The following SUGCT variants were observed in gnomAD, a reference collection of about 807,000 sequenced individuals.
SUGCT encodes the protein succinyl-CoA:glutarate CoA-transferase.
A neutral mutation model predicts 55.0 loss-of-function variants in SUGCT; 41 were observed. The ratio of observed to expected loss-of-function variants is 0.74; its 90% CI spans 0.58 to 0.97. The LOEUF (loss-of-function observed/expected upper bound fraction) is 0.97. Ranked by LOEUF, SUGCT falls within the 50% of genes least tolerant of loss-of-function variation. SUGCT has a pLI of 0.00. For synonymous variants in SUGCT, 187 were observed against 200.4 expected, an observed-to-expected ratio of 0.93 and a Z score of 0.56; for missense variants, 568 against 547.8, an observed-to-expected ratio of 1.04 and a Z score of -0.37.
At chr7:40,491,290 G>A (rs949904822) in intron 11 of SUGCT, among the ~76,000 whole-genome samples, 1 of 152,158 alleles carries the variant, frequency 6.6e-6, no homozygotes, top group Non-Finnish European at 1.5e-5. Flanking sequence ...TATAGTCTGG[G>A]TGTGCGGAAT....
At chr7:40,954,686 G>T in the SUGCT span, among the ~76,000 whole-genome samples, 5 of 152,232 alleles carry the variant, frequency 3.3e-5, no homozygotes, top group East Asian at 7.7e-4. Context: ...CATTGGTTTT[G>T]GTGTTTGAGT....
At chr7:40,482,411 C>T (rs1342217106) in intron 11 of SUGCT, among the ~76,000 whole-genome samples, 1 of 152,042 alleles carries the variant, frequency 6.6e-6, no homozygotes, top group Non-Finnish European at 1.5e-5. Context: ...TACAAAAATG[C>T]TAAAATTATG....
Position 40,249,922 on chromosome 7 carries a change from G to A in SUGCT, c.576+12196G>A, listed in dbSNP as rs1562612912. 2.6e-5 allele frequency among the ~76,000 whole-genome samples: 4 copies of A among 152,114 alleles called. No individual in the cohort carries two copies. The East Asian group carries it at 7.7e-4, about 29-fold the overall frequency. On this transcript the variant is annotated intron_variant, in intron 7 of 13. Coordinates refer to ENST00000335693, the MANE Select transcript of SUGCT (RefSeq NM_001193313.2). ...CTGCCTCAACCTCCTGAGTAGCTGGGACTACAGGCGTGCACCACCATGCGT... is the reference window on the plus strand; with the variant it reads ...CTGCCTCAACCTCCTGAGTAGCTGGAACTACAGGCGTGCACCACCATGCGT...
intron 13 of SUGCT, among the ~76,000 whole-genome samples, chr7:40,840,113 T>C (rs1235931495): frequency 6.6e-6 from 1 of 152,148 alleles, no homozygotes; most frequent in Non-Finnish European, 1.5e-5. Flanking sequence ...GCATGCCAAC[T>C]CAAAAATGCA....
chr7:40,911,981 G>C, the SUGCT span, among the ~76,000 whole-genome samples: 1 of 152,172 alleles, frequency 6.6e-6, no homozygotes, highest in East Asian at 1.9e-4. Flanking sequence ...TAAATTTAAG[G>C]TCTGTTGGTA....
intron 13 of SUGCT, among the ~76,000 whole-genome samples, chr7:40,778,306 G>A (rs938541503): frequency 3.3e-5 from 5 of 152,190 alleles, no homozygotes; most frequent in Admixed American, 3.3e-4. Context: ...TTAGAATCGT[G>A]ACAATCTACT....
intron 1 of SUGCT, among the ~76,000 whole-genome samples, chr7:40,164,444 A>C (rs1784327680): frequency 6.6e-6 from 1 of 152,110 alleles, no homozygotes; most frequent in African/African-American, 2.4e-5. Flanking sequence ...GTTTATGTAA[A>C]GAGAAAACAT....
chr7:40,343,665 A>AT (rs1191933853), intron 9 of SUGCT, among the ~76,000 whole-genome samples: 35 of 150,280 alleles, frequency 2.3e-4, no homozygotes, highest in Admixed American at 8.0e-4. Flanking sequence ...TTTTATTATT[A>AT]TTTTTTTTTG....
At chr7:40,743,862 T>C (rs961088908) in intron 12 of SUGCT, among the ~76,000 whole-genome samples, 1 of 152,260 alleles carries the variant, frequency 6.6e-6, no homozygotes, top group Middle Eastern at 3.4e-3. Context: ...TAGAAAGAGA[T>C]ATTATTATCC....
chr7:40,241,722 C>T (rs1279430366), intron 7 of SUGCT, among the ~76,000 whole-genome samples: 1 of 151,772 alleles, frequency 6.6e-6, no homozygotes, highest in East Asian at 1.9e-4. Flanking sequence ...GAGATCGAGA[C>T]CATCCTGGCC....
chr7:40,605,859 A>G (rs1421696703), intron 12 of SUGCT, among the ~76,000 whole-genome samples: 1 of 152,212 alleles, frequency 6.6e-6, no homozygotes, highest in African/African-American at 2.4e-5. Flanking sequence ...GGTAGAAGAA[A>G]TGGTGTGTGT....
chr7:40,261,994 A>G (rs768603081), intron 7 of SUGCT, among the ~76,000 whole-genome samples: 3 of 152,158 alleles, frequency 2.0e-5, no homozygotes, highest in Non-Finnish European at 2.9e-5. Flanking sequence ...ATTTTCTCCC[A>G]GTCTTACTCT....
At chr7:40,197,884 C>T (rs984077698) in intron 6 of SUGCT, among the ~76,000 whole-genome samples, 11 of 152,156 alleles carry the variant, frequency 7.2e-5, no homozygotes, top group African/African-American at 2.7e-4. Flanking sequence ...CCTAATGATT[C>T]ACATTTATAA....
At chr7:40,289,731 G>T (rs370195030) in intron 8 of SUGCT, among the ~76,000 whole-genome samples, 2,525 of 152,194 alleles carry the variant, frequency 0.017, 58 homozygotes, top group African/African-American at 0.058. Flanking sequence ...GTTTGCAGAT[G>T]ACATGATTGT....
intron 12 of SUGCT, among the ~76,000 whole-genome samples, chr7:40,586,738 T>C (rs2151724029): frequency 6.6e-6 from 1 of 152,310 alleles, no homozygotes; most frequent in South Asian, 2.1e-4. Flanking sequence ...AGAATATAAG[T>C]AATTTGCTCA....
At chr7:40,141,637 C>CA (rs58487461) in intron 1 of SUGCT, among the ~76,000 whole-genome samples, 2,486 of 56,768 alleles carry the variant, frequency 0.044, 71 homozygotes, top group African/African-American at 0.091. Flanking sequence ...GACTCCATCT[C>CA]AAAAAAAAAA....
intron 13 of SUGCT, among the ~76,000 whole-genome samples, chr7:40,816,356 G>T (rs1220771995): frequency 6.6e-6 from 1 of 152,210 alleles, no homozygotes; most frequent in African/African-American, 2.4e-5. Flanking sequence ...GCTTTTTGTG[G>T]TGTCTTTCTC....
chr7:40,980,721 T>C, the SUGCT span, among the ~76,000 whole-genome samples: 1 of 152,136 alleles, frequency 6.6e-6, no homozygotes, highest in Admixed American at 6.5e-5. Flanking sequence ...TTTTTTTAGA[T>C]GGAGTCTCAC....
chr7:41,017,371 C>T, the SUGCT span, among the ~76,000 whole-genome samples: 3 of 152,194 alleles, frequency 2.0e-5, no homozygotes, highest in African/African-American at 7.2e-5. Flanking sequence ...ACATGGCAGA[C>T]CCTTCTAGTG....
Sources: gnomAD v4.1 joint callset for allele counts (sites outside exome capture counted in the v4.1 genomes callset) on GRCh38, gnomAD v4.1.1 for gene constraint, MANE v1.5 for transcripts, NCBI Gene and HGNC (gene_info 2026-07-23, HGNC 2026-07-21) for gene names.